Variants in SPON1 observed in about 807,000 individuals in gnomAD.
SPON1 encodes spondin-1.
SPON1 carries 52 observed loss-of-function variants against 111.7 expected under a neutral mutation model. The observed-to-expected ratio is 0.47, with a 90% confidence interval of 0.37 to 0.59. The LOEUF is 0.59. Ranked by LOEUF, SPON1 falls within the 20% of genes least tolerant of loss-of-function variation. The probability of loss-of-function intolerance (pLI) is 0.00; values close to 1 mark genes in which losing one functional copy is unlikely to be tolerated. For synonymous variants in SPON1, 410 were observed against 395.8 expected (o/e 1.04, Z -0.43); for missense variants, 957 against 1,068.5 (o/e 0.90, Z 1.46).
rs1435600084 is a variant in SPON1, at chr11:14,228,172, C to T, written c.826-15160C>T. Among the ~76,000 whole-genome samples, 1 of 152,152 alleles carries T rather than the reference C, an allele frequency of 6.6e-6. No individual in the cohort carries two copies. Among genetic ancestry groups the T allele is most frequent in the Non-Finnish European group, 1.5e-5 (1 of 68,038 alleles). On this transcript the variant is annotated intron_variant, in intron 6 of 15. Coordinates refer to ENST00000576479, the MANE Select transcript of SPON1 (RefSeq NM_006108.4). The surrounding 1 kb of genome is among the most constrained non-coding windows in gnomAD (Gnocchi z 4.2). ...CTGACCCTCGTAGCCTGGGTCCTTC[C>T]GAGTTTGGTATGCATACACCAGGGC...
chr11:14,060,779 A>C (rs1848785640), intron 3 of SPON1, among the ~76,000 whole-genome samples: 1 of 152,210 alleles, frequency 6.6e-6, no homozygotes, highest in Admixed American at 6.5e-5. Flanking sequence ...GCTAGTTATC[A>C]CTGTCATACT....
chr11:13,974,993 A>G (rs534969644), intron 1 of SPON1, among the ~76,000 whole-genome samples: 26 of 152,286 alleles, frequency 1.7e-4, no homozygotes, highest in Admixed American at 4.6e-4. Flanking sequence ...TCCCTTGTCC[A>G]CTGGATAAAC....
chr11:14,024,171 C>A (rs1287913686), intron 2 of SPON1, among the ~76,000 whole-genome samples: 1 of 152,158 alleles, frequency 6.6e-6, no homozygotes, highest in African/African-American at 2.4e-5. Flanking sequence ...TGGGCTTCAA[C>A]CCCACGGCAG....
At chr11:14,254,491 G>A (rs1554940953) in intron 7 of SPON1, 37 bp from the exon 8 acceptor site, 1 of 1,539,660 alleles carries the variant, frequency 6.5e-7, no homozygotes, top group Admixed American at 1.9e-5. Context: ...CCAACCCCCA[G>A]AACTCTAATA....
chr11:14,237,978 C>G (rs957617581), intron 6 of SPON1, among the ~76,000 whole-genome samples: 1 of 152,092 alleles, frequency 6.6e-6, no homozygotes, highest in Non-Finnish European at 1.5e-5. Flanking sequence ...AGACTGAGGT[C>G]TAAACTCTAG....
chr11:14,236,046 G>C (rs1437090645), intron 6 of SPON1, among the ~76,000 whole-genome samples: 1 of 152,176 alleles, frequency 6.6e-6, no homozygotes, highest in Non-Finnish European at 1.5e-5. Context: ...TGGAGGGTGT[G>C]GGGGACCAGA....
chr11:14,262,253 T>G (rs544253410), intron 14 of SPON1, among the ~76,000 whole-genome samples: 17 of 152,322 alleles, frequency 1.1e-4, no homozygotes, highest in African/African-American at 4.1e-4. Flanking sequence ...CACAATGTCC[T>G]TGGTATTGGT....
chr11:14,064,726 T>A (rs1388740548), intron 3 of SPON1, among the ~76,000 whole-genome samples: 2 of 151,980 alleles, frequency 1.3e-5, no homozygotes, highest in Non-Finnish European at 2.9e-5. Context: ...AAAGTGATAA[T>A]GAAGAGGTGA....
At chr11:13,981,872 G>T (rs1044271192) in intron 1 of SPON1, among the ~76,000 whole-genome samples, 2 of 152,100 alleles carry the variant, frequency 1.3e-5, no homozygotes, top group Non-Finnish European at 2.9e-5. Context: ...GTCTTCTGCT[G>T]GACCCTGCAT....
At chr11:14,162,256 G>T (rs2133876564) in intron 6 of SPON1, among the ~76,000 whole-genome samples, 1 of 152,108 alleles carries the variant, frequency 6.6e-6, no homozygotes, top group East Asian at 1.9e-4. Context: ...TGTAGAGAGA[G>T]GGGGGAAACA....
At chr11:14,152,113 G>A (rs911742209) in intron 6 of SPON1, among the ~76,000 whole-genome samples, 4 of 152,162 alleles carry the variant, frequency 2.6e-5, no homozygotes, top group Non-Finnish European at 4.4e-5. Context: ...GAGCTGGGGT[G>A]TAGTCTGGAA....
At chr11:14,011,998 A>G (rs1848408445) in intron 2 of SPON1, among the ~76,000 whole-genome samples, 1 of 152,154 alleles carries the variant, frequency 6.6e-6, no homozygotes. Context: ...GAGGGCTGCA[A>G]TGCATAATGT....
intron 1 of SPON1, among the ~76,000 whole-genome samples, chr11:13,967,253 C>A (rs1848024584): frequency 6.6e-6 from 1 of 152,154 alleles, no homozygotes; most frequent in African/African-American, 2.4e-5. Context: ...CACTCAGCTA[C>A]CCTCAGCCTT....
intron 14 of SPON1, chr11:14,262,383 G>A (rs1849195698): frequency 8.6e-6 from 3 of 348,080 alleles, no homozygotes; most frequent in Admixed American, 7.8e-5. Context: ...AAGCTATTCT[G>A]TACTTGAGGC....
At chr11:14,229,891 T>C (rs1205599468) in intron 6 of SPON1, among the ~76,000 whole-genome samples, 1 of 151,944 alleles carries the variant, frequency 6.6e-6, no homozygotes, top group East Asian at 1.9e-4. Context: ...TCTGTTACCA[T>C]GGGAAACCTG....
chr11:14,153,166 A>G (rs781831940), intron 6 of SPON1, among the ~76,000 whole-genome samples: 10 of 152,210 alleles, frequency 6.6e-5, no homozygotes, highest in Non-Finnish European at 1.3e-4. Flanking sequence ...TACTTATTAG[A>G]TTCTAATATA....
chr11:14,075,417 A>C lies in SPON1; in HGVS notation c.552A>C (p.Gln184His). ...CTCTGACCAAGAAACTTTGTGAACA[A>C]GGTAAGACCCTGTGGGTGGGGAGGG... ...EGSLTKKLCEQDSTFDGVTDK... is the reference protein window; with the variant it reads ...EGSLTKKLCEHDSTFDGVTDK... Residue 184 changes from glutamine (Q) to histidine (H), a missense_variant and splice_region_variant, in exon 4 of 16, where the codon CAA (glutamine) becomes CAC (histidine). Physicochemically the swap from Gln to His is conservative, Grantham distance 24 (BLOSUM62 0). This residue lies in a region of SPON1 where 262 missense variants were observed against 253.9 expected (regional missense o/e 1.03). Coordinates refer to ENST00000576479, the MANE Select transcript of SPON1 (RefSeq NM_006108.4). The C allele has an allele frequency of 6.4e-7, 1 of 1,550,468 alleles. No individual in the cohort carries two copies. Among genetic ancestry groups the C allele is most frequent in the South Asian group, 1.2e-5 (1 of 84,314 alleles).
intron 6 of SPON1, among the ~76,000 whole-genome samples, chr11:14,216,388 C>G (rs1379388240): frequency 6.6e-6 from 1 of 152,102 alleles, no homozygotes; most frequent in African/African-American, 2.4e-5. Flanking sequence ...GCAGATGCCT[C>G]CCCCCATGAG....
intron 2 of SPON1, among the ~76,000 whole-genome samples, chr11:13,983,845 T>C (rs1848162702): frequency 6.6e-6 from 1 of 152,210 alleles, no homozygotes; most frequent in African/African-American, 2.4e-5. Flanking sequence ...CTTATACCCA[T>C]AGCTGGCTGC....
Sources: gnomAD v4.1 joint callset for allele counts (sites outside exome capture counted in the v4.1 genomes callset) on GRCh38, gnomAD v4.1.1 for gene constraint, gnomAD v4.1.1 regional missense constraint, Gnocchi (gnomAD v3.1) non-coding constraint, MANE v1.5 for transcripts, NCBI Gene and HGNC (gene_info 2026-07-23, HGNC 2026-07-21) for gene names.